ARID2: variants seen among roughly 807,000 people sequenced by gnomAD.
The protein encoded by ARID2 is AT-rich interactive domain-containing protein 2.
A neutral mutation model predicts 184.6 loss-of-function variants in ARID2; 32 were observed. That is an observed-to-expected ratio of 0.17 (90% CI 0.13 to 0.23). The LOEUF (loss-of-function observed/expected upper bound fraction) is 0.23, where lower values mean the gene tolerates loss of function less well. Among genes scored for constraint, ARID2 ranks in the 10% least tolerant of loss-of-function variants. The pLI is 1.00. For synonymous variants in ARID2, 836 were observed against 772.6 expected, an observed-to-expected ratio of 1.08 and a Z score of -1.36; for missense variants, 1,696 against 2,197.6, an observed-to-expected ratio of 0.77 and a Z score of 4.56.
At chr12:45,752,874 G>A (rs1168711766) in intron 3 of ARID2, among the ~76,000 whole-genome samples, 2 of 152,198 alleles carry the variant, frequency 1.3e-5, no homozygotes, top group Non-Finnish European at 1.5e-5. Context: ...GGAAGTCATC[G>A]GGGATACTGT....
intron 6 of ARID2, among the ~76,000 whole-genome samples, chr12:45,826,129 A>G (rs1160299268): frequency 6.6e-6 from 1 of 152,060 alleles, no homozygotes; most frequent in African/African-American, 2.4e-5. Flanking sequence ...TGTCATGTAG[A>G]TTTGTTTTTC....
At chr12:45,860,559 T>G (rs1039976969) in intron 15 of ARID2, among the ~76,000 whole-genome samples, 5 of 151,836 alleles carry the variant, frequency 3.3e-5, no homozygotes, top group African/African-American at 9.7e-5. Flanking sequence ...ATATATATTT[T>G]ATAGTGGTAA....
intron 3 of ARID2, among the ~76,000 whole-genome samples, chr12:45,757,287 T>C (rs1471124187): frequency 2.6e-5 from 4 of 152,198 alleles, no homozygotes; most frequent in Non-Finnish European, 4.4e-5. Context: ...CTGCAACACT[T>C]CTCAAACTAA....
At chr12:45,870,737 C>T (rs1943914521) in intron 16 of ARID2, among the ~76,000 whole-genome samples, 1 of 152,080 alleles carries the variant, frequency 6.6e-6, no homozygotes. Flanking sequence ...TGGTTTCTTT[C>T]ACTTAGTAAT....
chr12:45,859,687 GA>G (rs930052051), intron 15 of ARID2, among the ~76,000 whole-genome samples: 3 of 151,914 alleles, frequency 2.0e-5, no homozygotes, highest in Non-Finnish European at 4.4e-5. Context: ...GGATCTAAAA[GA>G]AAAAAATTAT....
rs2138181283 is a variant in ARID2, at chr12:45,852,770, C to T, written c.4647C>T (p.Cys1549=). 2 of 1,614,130 alleles carry T rather than the reference C, an allele frequency of 1.2e-6. No individual in the cohort carries two copies. Among genetic ancestry groups the T allele is most frequent in the Non-Finnish European group, 1.7e-6 (2 of 1,179,996 alleles). Residue 1549 remains cysteine, a synonymous_variant, in exon 15 of 21, where the codon TGC becomes TGT. Transcript: ENST00000334344. ...TCAGTGACCCCAACAATGCTGGCTGCAGCGCAACAATGGTTGCTGTGCCAG... is the reference window on the plus strand; with the variant it reads ...TCAGTGACCCCAACAATGCTGGCTGTAGCGCAACAATGGTTGCTGTGCCAG... The part of the protein sequence containing the change: ...VTISDPNNAG[C]SATMVAVPAG...
intron 3 of ARID2, among the ~76,000 whole-genome samples, chr12:45,802,012 C>CT (rs1007668232): frequency 5.3e-5 from 8 of 151,966 alleles, no homozygotes; most frequent in Non-Finnish European, 1.2e-4. Flanking sequence ...TTGGAAAATC[C>CT]TTTTTTCTGG....
chr12:45,850,242 G>C lies in ARID2; in HGVS notation c.2119G>C (p.Ala707Pro), dbSNP rs2138160186. The change falls in exon 15 of 21, where the codon GCT becomes CCT. Residue 707 changes from alanine to proline, a missense_variant. Around this residue, in one of 11 missense-constraint regions of ARID2, gnomAD observed 713 missense variants for 824.4 expected, o/e 0.86. Transcript: ENST00000334344. ...TCCAGTGACTGTCATTCAAAGTAAA[G>C]CTCCAATTCCTTGTGAAGTTGTTAA... is the stretch of plus-strand genomic sequence containing the variant. ...NAPVTVIQSK[A>P]PIPCEVVKAT... The C allele has an allele frequency of 6.2e-7, 1 of 1,614,114 alleles. No individual in the cohort carries two copies. Among genetic ancestry groups the C allele is most frequent in the South Asian group, 1.1e-5 (1 of 91,084 alleles).
chr12:45,798,288 G>A (rs1942430239), intron 3 of ARID2, among the ~76,000 whole-genome samples: 1 of 152,002 alleles, frequency 6.6e-6, no homozygotes, highest in Non-Finnish European at 1.5e-5. Flanking sequence ...AACATGCAAT[G>A]TAGGATAAAT....
chr12:45,766,610 T>A (rs1476986739), intron 3 of ARID2, among the ~76,000 whole-genome samples: 2 of 150,160 alleles, frequency 1.3e-5, no homozygotes, highest in African/African-American at 4.9e-5. Flanking sequence ...GCCTCCTGGG[T>A]TCATGCCCTT....
At chr12:45,904,198 C>T in intron 20 of ARID2, 1 of 538,212 alleles carries the variant, frequency 1.9e-6, no homozygotes, top group Non-Finnish European at 3.3e-6. Context: ...TATAGTTAAG[C>T]TAGATGTGGC....
chr12:45,879,668 T>C (rs1944069397), intron 16 of ARID2, among the ~76,000 whole-genome samples: 1 of 152,220 alleles, frequency 6.6e-6, no homozygotes, highest in African/African-American at 2.4e-5. Flanking sequence ...AGTTTGTTCA[T>C]CTTATTTCTT....
intron 20 of ARID2, among the ~76,000 whole-genome samples, chr12:45,896,907 C>T (rs1944375729): frequency 6.6e-6 from 1 of 152,116 alleles, no homozygotes; most frequent in African/African-American, 2.4e-5. Flanking sequence ...AAAATAAATA[C>T]AGTGATAATC....
chr12:45,752,551 T>TG (rs1941482838), intron 3 of ARID2, among the ~76,000 whole-genome samples: 1 of 152,242 alleles, frequency 6.6e-6, no homozygotes, highest in South Asian at 2.1e-4. Flanking sequence ...AGACAGGGTC[T>TG]GGCTCTGTTG....
intron 15 of ARID2, among the ~76,000 whole-genome samples, chr12:45,853,861 A>G (rs1364055739): frequency 1.3e-5 from 2 of 152,240 alleles, no homozygotes; most frequent in African/African-American, 4.8e-5. Flanking sequence ...TGGAAAGTAC[A>G]AGAACAAAGG....
At chr12:45,858,677 T>A (rs961672307) in intron 15 of ARID2, among the ~76,000 whole-genome samples, 3 of 152,222 alleles carry the variant, frequency 2.0e-5, no homozygotes, top group Non-Finnish European at 2.9e-5. Context: ...AGTTAGTTTT[T>A]ATTACTTACA....
intron 16 of ARID2, among the ~76,000 whole-genome samples, chr12:45,890,832 A>G (rs532986338): frequency 1.3e-5 from 2 of 152,254 alleles, no homozygotes; most frequent in Non-Finnish European, 2.9e-5. Context: ...TGACAGCCAT[A>G]AAAAGTCAAA....
chr12:45,822,378 A>G (rs1226028745), intron 6 of ARID2, among the ~76,000 whole-genome samples: 1 of 152,086 alleles, frequency 6.6e-6, no homozygotes, highest in Non-Finnish European at 1.5e-5. Flanking sequence ...ATACAAAAAT[A>G]TTAAAGAATT....
intron 15 of ARID2, among the ~76,000 whole-genome samples, chr12:45,860,129 G>A (rs1257799574): frequency 6.6e-6 from 1 of 152,214 alleles, no homozygotes; most frequent in African/African-American, 2.4e-5. Flanking sequence ...GCCAAAGGGG[G>A]AGGATGGCTT....
Sources: allele counts gnomAD v4.1 joint callset (sites outside exome capture counted in the v4.1 genomes callset), GRCh38; gene constraint gnomAD v4.1.1; regional missense constraint gnomAD v4.1.1; transcripts MANE v1.5; gene names NCBI Gene and HGNC (gene_info 2026-07-23, HGNC 2026-07-21).